The following VEPH1 variants were observed in gnomAD, a reference collection of about 807,000 sequenced individuals.
The protein encoded by VEPH1 is ventricular zone expressed PH domain containing 1, also known as ventricular zone-expressed PH domain-containing protein homolog 1.
Under a neutral mutation model 85.2 loss-of-function variants are expected in VEPH1, and 80 were observed. The ratio of observed to expected loss-of-function variants is 0.94; its 90% confidence interval spans 0.78 to 1.13. VEPH1 has a LOEUF of 1.13. Ranked by LOEUF, VEPH1 falls within the 50% of genes most tolerant of loss-of-function variation. The pLI is 0.00. For missense variants in VEPH1, 955 were observed against 980.5 expected, an observed-to-expected ratio of 0.97 and a Z score of 0.35; for synonymous variants, 297 against 348.0, an observed-to-expected ratio of 0.85 and a Z score of 1.63.
intron 12 of VEPH1, among the ~76,000 whole-genome samples, chr3:157,276,313 CTA>C (rs1470172052): frequency 3.3e-5 from 5 of 152,176 alleles, no homozygotes; most frequent in African/African-American, 1.2e-4. Context: ...GCATTTAGGG[CTA>C]TGTTTCCTGA....
intron 2 of VEPH1, among the ~76,000 whole-genome samples, chr3:157,490,268 G>T (rs1739106096): frequency 6.6e-6 from 1 of 151,988 alleles, no homozygotes; most frequent in South Asian, 2.1e-4. Context: ...TGGGAATACT[G>T]TCCTATCAGA....
chr3:157,387,834 G>A (rs1249099279), intron 6 of VEPH1, among the ~76,000 whole-genome samples: 1 of 152,158 alleles, frequency 6.6e-6, no homozygotes, highest in East Asian at 1.9e-4. Flanking sequence ...TCAGGCATAG[G>A]AATTTTTAAA....
In VEPH1 at chr3:157,466,295, T is replaced by C. The variant is rs74854224; in HGVS notation, c.354+4019A>G. 7.5e-3 allele frequency among the ~76,000 whole-genome samples: 1,148 copies of C among 152,290 alleles called. 22 individuals carry two copies. The highest frequency in any genetic ancestry group is 0.068 in the East Asian group (351 of 5,184). On this transcript the variant is annotated intron_variant, in intron 3 of 13. Coordinates refer to ENST00000362010, the MANE Select transcript of VEPH1 (RefSeq NM_001167912.2). ...CTGTTAACTCTAGGTAAGCTGTACTTTGAATTAGGTACTTCCACATAGTGG... is the reference window on the plus strand; with the variant it reads ...CTGTTAACTCTAGGTAAGCTGTACTCTGAATTAGGTACTTCCACATAGTGG...
chr3:157,295,649 A>T (rs904810782), intron 11 of VEPH1, among the ~76,000 whole-genome samples: 2 of 152,188 alleles, frequency 1.3e-5, no homozygotes, highest in African/African-American at 4.8e-5. Context: ...CTCAGTAGAG[A>T]ACTGGATAAA....
At chr3:157,319,032 G>A (rs771426784) in intron 9 of VEPH1, among the ~76,000 whole-genome samples, 1 of 152,138 alleles carries the variant, frequency 6.6e-6, no homozygotes, top group Non-Finnish European at 1.5e-5. Context: ...TATGAAGGAA[G>A]TGACAGGCTT....
In VEPH1 at chr3:157,281,158, AG is replaced by A. The variant is rs1284165159; in HGVS notation, c.2128+5398del. Among the ~76,000 whole-genome samples the A allele has an allele frequency of 3.3e-4, 46 of 140,250 alleles. No homozygotes were observed. In the South Asian group the frequency reaches 7.2e-3, roughly 22 times the overall value. 92.0% of individuals were successfully genotyped at this position (140,250 alleles called of 152,430 possible). On this transcript the variant is annotated intron_variant, in intron 12 of 13. Coordinates refer to ENST00000362010, the MANE Select transcript of VEPH1 (RefSeq NM_001167912.2). ...AGAGAGAAAGAGGGAGAGAGAAATGAGAGTGTGTGGAGAGGTTTAAGAGGGA... is the reference window on the plus strand; with the variant it reads ...AGAGAGAAAGAGGGAGAGAGAAATGAAGTGTGTGGAGAGGTTTAAGAGGGA...
chr3:157,353,414 T>C (rs981159175), intron 9 of VEPH1, among the ~76,000 whole-genome samples: 20 of 152,112 alleles, frequency 1.3e-4, no homozygotes, highest in African/African-American at 4.8e-4. Flanking sequence ...ACCAGAGGCA[T>C]GCCACCATTC....
chr3:157,292,520 C>T (rs923470209), intron 11 of VEPH1, among the ~76,000 whole-genome samples: 31 of 151,478 alleles, frequency 2.0e-4, no homozygotes, highest in Non-Finnish European at 4.6e-4. Flanking sequence ...GGTGAAACCT[C>T]GTTTCTACTA....
rs143301010 is a variant in VEPH1, at chr3:157,477,165, G to A, written c.139-6636C>T. 5.0e-3 allele frequency among the ~76,000 whole-genome samples: 761 copies of A among 151,490 alleles called. 5 individuals are homozygous for A. Among genetic ancestry groups the A allele is most frequent in the African/African-American group, 0.018 (736 of 41,326 alleles). On this transcript the variant is annotated intron_variant, in intron 2 of 13. Coordinates refer to ENST00000362010, the MANE Select transcript of VEPH1 (RefSeq NM_001167912.2). ...CTAAAGTCAAGGTGTCAGCAGGGCTGGTGCCCTCTGGAGGCTCTGAGGGCA... is the reference window on the plus strand; with the variant it reads ...CTAAAGTCAAGGTGTCAGCAGGGCTAGTGCCCTCTGGAGGCTCTGAGGGCA...
At chr3:157,406,170 A>G (rs1731127201) in intron 6 of VEPH1, among the ~76,000 whole-genome samples, 1 of 152,190 alleles carries the variant, frequency 6.6e-6, no homozygotes, top group South Asian at 2.1e-4. Context: ...ATTAAGTAGC[A>G]GCCACTGGCA....
Position 157,364,464 on chromosome 3 carries a change from G to GTA in VEPH1, c.1175_1176insTA (p.Lys393ThrfsTer4), listed in dbSNP as rs1219092036. ...CTTCATTTTCAGTTACTATGAGCTT[G>GTA]GTTTCTTCCAGTTTCTCAGGGAATT... On this transcript the variant is annotated frameshift_variant, in exon 8 of 14. Transcript: ENST00000362010. LOFTEE classifies it high-confidence loss of function. The GTA allele has an allele frequency of 6.2e-7, 1 of 1,613,880 alleles. No individual in the cohort carries two copies. The highest frequency in any genetic ancestry group is 1.7e-5 in the Admixed American group (1 of 60,016).
intron 12 of VEPH1, among the ~76,000 whole-genome samples, chr3:157,283,269 G>C (rs1239533882): frequency 5.9e-5 from 9 of 152,124 alleles, no homozygotes; most frequent in African/African-American, 1.9e-4. Flanking sequence ...TTAAAATACT[G>C]GTTCCATCAC....
chr3:157,444,258 C>T (rs1001802341), intron 4 of VEPH1, among the ~76,000 whole-genome samples: 2 of 152,166 alleles, frequency 1.3e-5, no homozygotes, highest in African/African-American at 4.8e-5. Flanking sequence ...ATTTCCTCTT[C>T]ATGAGGTTTG....
rs552250284 is a variant in VEPH1, at chr3:157,503,387, G to T, written c.-268C>A. 1 of 152,182 alleles carries T rather than the reference G, an allele frequency of 6.6e-6. No homozygotes were observed. Among genetic ancestry groups the T allele is most frequent in the Non-Finnish European group, 1.5e-5 (1 of 68,038 alleles). 9.4% of individuals were successfully genotyped at this position (152,182 alleles called of 1,614,324 possible). On this transcript the variant is annotated 5_prime_UTR_variant, in exon 1 of 14. Transcript: ENST00000362010. ...GCTCAGAGGCAGCCTTGCAGCTGCT[G>T]CCCAGTCCTGTGGGCTGCAGCCGCG...
At chr3:157,434,777 A>G (rs1044285403) in intron 4 of VEPH1, among the ~76,000 whole-genome samples, 3 of 151,392 alleles carry the variant, frequency 2.0e-5, no homozygotes, top group African/African-American at 7.3e-5. Flanking sequence ...TTTTTTTTTC[A>G]TAGATCAAGT....
intron 10 of VEPH1, among the ~76,000 whole-genome samples, chr3:157,315,348 C>A (rs1219208755): frequency 6.6e-6 from 1 of 151,946 alleles, no homozygotes; most frequent in Non-Finnish European, 1.5e-5. Flanking sequence ...AATTACATAA[C>A]CCATAATGTG....
In VEPH1 at chr3:157,271,995, C is replaced by T. The variant is rs114327650; in HGVS notation, c.2129-6333G>A. 5.4e-3 allele frequency among the ~76,000 whole-genome samples: 820 copies of T among 152,320 alleles called. 7 individuals are homozygous for T. Among genetic ancestry groups the T allele is most frequent in the African/African-American group, 0.018 (761 of 41,560 alleles). ...AGAGCTAAGGGTCCTGGGAATTTAA[C>T]CATGTTGATGCAGTCGTTTTAACAT... On this transcript the variant is annotated intron_variant, in intron 12 of 13. Coordinates refer to ENST00000362010, the MANE Select transcript of VEPH1 (RefSeq NM_001167912.2).
At chr3:157,424,542 C>A (rs1031974419) in intron 5 of VEPH1, among the ~76,000 whole-genome samples, 10 of 152,094 alleles carry the variant, frequency 6.6e-5, no homozygotes, top group African/African-American at 2.4e-4. Flanking sequence ...ATAGCTTTGA[C>A]CAAAACCCTG....
rs1720827588 is a variant in VEPH1, at chr3:157,317,072, A to G, written c.1865T>C (p.Leu622Pro). 1.2e-6 allele frequency: 2 copies of G among 1,612,028 alleles called. No homozygotes were observed. Among genetic ancestry groups the G allele is most frequent in the South Asian group, 2.2e-5 (2 of 90,666 alleles). Reference protein sequence around the residue: ...EPQPWIQIMFLFQQSLFPEPL... With the variant: ...EPQPWIQIMFPFQQSLFPEPL... The stretch of plus-strand genomic sequence containing the variant: ...ACAAATTATACAAACCTGCTGAAAT[A>G]GAAACATGATCTGGATCCATGGCTG... The change falls in exon 10 of 14, where the codon CTA (leucine) becomes CCA (proline). Residue 622 changes from leucine (L) to proline (P), a missense_variant. Transcript: ENST00000362010.
Sources: gnomAD v4.1 joint callset for allele counts (sites outside exome capture counted in the v4.1 genomes callset) on GRCh38, gnomAD v4.1.1 for gene constraint, MANE v1.5 for transcripts, NCBI Gene and HGNC (gene_info 2026-07-23, HGNC 2026-07-21) for gene names.